Variants in TNS3 observed in about 807,000 individuals in gnomAD.
TNS3 encodes the protein tensin-3.
Under a neutral mutation model 140.9 loss-of-function variants are expected in TNS3, and 45 were observed. The ratio of observed to expected loss-of-function variants is 0.32; its 90% CI spans 0.25 to 0.41. TNS3 has a LOEUF of 0.41. Ranked by LOEUF, TNS3 falls within the 10% of genes least tolerant of loss-of-function variation. The pLI is 1.00. For missense variants in TNS3, 1,716 were observed against 1,906.7 expected, an observed-to-expected ratio of 0.90 and a Z score of 1.86; for synonymous variants, 815 against 788.4, an observed-to-expected ratio of 1.03 and a Z score of -0.56.
At chr7:47,374,901 C>T (rs1439748838) in intron 16 of TNS3, among the ~76,000 whole-genome samples, 2 of 152,116 alleles carry the variant, frequency 1.3e-5, no homozygotes, top group African/African-American at 4.8e-5. Context: ...GGAGCCCCCA[C>T]CAGATGAGGG....
At chr7:47,563,345 G>A (rs1475408323) in intron 1 of TNS3, among the ~76,000 whole-genome samples, 4 of 152,226 alleles carry the variant, frequency 2.6e-5, no homozygotes, top group African/African-American at 4.8e-5. Context: ...TTTCACGAAC[G>A]TCTCCTGGGT....
chr7:47,559,566 A>G (rs1187246744), intron 1 of TNS3, among the ~76,000 whole-genome samples: 1 of 152,076 alleles, frequency 6.6e-6, no homozygotes, highest in Non-Finnish European at 1.5e-5. Flanking sequence ...CAGAGAATGG[A>G]GAACAAGAGG....
rs557313172 is a variant in TNS3, at chr7:47,296,054, C to A, written c.3676+1028G>T. Among the ~76,000 whole-genome samples the A allele has an allele frequency of 3.9e-5, 6 of 152,258 alleles. No homozygotes were observed. In the South Asian group the frequency reaches 1.2e-3, roughly 32 times the overall value. ...CGACCTGCAATGTCCCCTCAGTCCA[C>A]AATTTCCATTTGGGGAGACAGACAG... is the stretch of plus-strand genomic sequence containing the variant. On this transcript the variant is annotated intron_variant, in intron 24 of 30. Coordinates refer to ENST00000311160, the MANE Select transcript of TNS3 (RefSeq NM_022748.12).
intron 8 of TNS3, among the ~76,000 whole-genome samples, 181 bp downstream of exon 8, chr7:47,435,101 G>A (rs1795112016): frequency 7.6e-6 from 1 of 132,440 alleles, no homozygotes; most frequent in Non-Finnish European, 1.7e-5. Flanking sequence ...CAAACTTGGG[G>A]AGGTGTGATA....
chr7:47,368,846 C>T lies in TNS3; in HGVS notation c.1800G>A (p.Gln600=). The T allele has an allele frequency of 6.2e-7, 1 of 1,613,552 alleles. No homozygotes were observed. Among genetic ancestry groups the T allele is most frequent in the Non-Finnish European group, 8.5e-7 (1 of 1,179,918 alleles). The change falls in exon 17 of 31, where the codon CAG becomes CAA. Residue 600 remains glutamine (Q), a synonymous_variant. Transcript: ENST00000311160. ...CCTCCCCATCTGGGGCGAAGCTATA[C>T]TGGTGAGCTACAACCATCTGCTGCT... ...VRQQQMVVAH[Q]YSFAPDGEAR... is the part of the protein sequence containing the mutation.
At chr7:47,300,220 T>C (rs1786311895) in intron 23 of TNS3, among the ~76,000 whole-genome samples, 1 of 152,218 alleles carries the variant, frequency 6.6e-6, no homozygotes, top group Non-Finnish European at 1.5e-5. Flanking sequence ...CTTCCGCTGT[T>C]TGGAGACTCT....
intron 16 of TNS3, among the ~76,000 whole-genome samples, chr7:47,374,888 T>C (rs1584510399): frequency 6.6e-6 from 1 of 151,964 alleles, no homozygotes; most frequent in African/African-American, 2.4e-5. Flanking sequence ...GCAGGCAGGG[T>C]GAGGAGCCCC....
chr7:47,380,445 A>G (rs1321981668), intron 16 of TNS3, among the ~76,000 whole-genome samples: 1 of 152,236 alleles, frequency 6.6e-6, no homozygotes, highest in Non-Finnish European at 1.5e-5. Flanking sequence ...ACAGCATGTC[A>G]GACCATCACT....
Position 47,369,630 on chromosome 7 carries a change from G to A in TNS3, c.1025-9C>T. 6.5e-7 allele frequency: 1 copy of A among 1,538,554 alleles called. No homozygotes were observed. Among genetic ancestry groups the A allele is most frequent in the Admixed American group, 2.0e-5 (1 of 49,610 alleles). ...GCCCTGCGTGTGTAGCACTGCGGGG[G>A]AGAAAACCGGAGAGAGGCTTTCAGT... On this transcript the variant is annotated splice_polypyrimidine_tract_variant and intron_variant, in intron 16 of 30. Transcript: ENST00000311160.
At chr7:47,354,929 T>A (rs1332127205) in intron 17 of TNS3, among the ~76,000 whole-genome samples, 1 of 152,194 alleles carries the variant, frequency 6.6e-6, no homozygotes, top group African/African-American at 2.4e-5. Context: ...GGCATTTAGC[T>A]GTCTTCGCCC....
At position 47,304,885 on chromosome 7, in the gene TNS3, A is replaced by C; in HGVS notation, c.2769T>G (p.Ala923=). 1 of 1,413,582 alleles carries C rather than the reference A, an allele frequency of 7.1e-7. No individual in the cohort carries two copies. The highest frequency in any genetic ancestry group is 9.3e-7 in the Non-Finnish European group (1 of 1,071,394). 87.6% of individuals were successfully genotyped at this position (1,413,582 alleles called of 1,614,324 possible). A position where few individuals can be genotyped will look rare whatever the true frequency, so the allele number is the denominator to read the frequency against. Residue 923 remains alanine, a synonymous_variant, in exon 21 of 31, where the codon GCT becomes GCG. Transcript: ENST00000311160. ...DASSTPSFQQ[A]FASSCTISSN... ...TGGAAATGGTGCAGGAAGAAGCAAA[A>C]GCCTGCTGAAAGGAGGGCGTCGAGG... is the stretch of plus-strand genomic sequence containing the variant.
chr7:47,341,603 T>A (rs1468753256), intron 20 of TNS3, among the ~76,000 whole-genome samples: 1 of 152,152 alleles, frequency 6.6e-6, no homozygotes, highest in Admixed American at 6.5e-5. Flanking sequence ...ACAATAGTAA[T>A]CTATGTCCTC....
chr7:47,361,973 T>C lies in TNS3; in HGVS notation c.2281+6392A>G, dbSNP rs572065356. Among the ~76,000 whole-genome samples the C allele has an allele frequency of 9.2e-5, 14 of 152,216 alleles. No homozygotes were observed. In the South Asian group the frequency reaches 1.9e-3, roughly 20 times the overall value. ...CCCACGGAATCATGAATTTCACAGGTTGAGTCATTTCTTTTGTTACTGGGA... is the reference window on the plus strand; with the variant it reads ...CCCACGGAATCATGAATTTCACAGGCTGAGTCATTTCTTTTGTTACTGGGA... On this transcript the variant is annotated intron_variant, in intron 17 of 30. Coordinates refer to ENST00000311160, the MANE Select transcript of TNS3 (RefSeq NM_022748.12).
intron 16 of TNS3, among the ~76,000 whole-genome samples, chr7:47,370,976 TCCTGGGGTGTGGTGCTGAAAACGCGC>T (rs1562651434): frequency 6.6e-6 from 1 of 152,126 alleles, no homozygotes; most frequent in African/African-American, 2.4e-5. Context: ...TCCCAAGGGG[TCCTGGGGTGTGGTGCTGAAAACGCGC>T]CCACGCCAGG....
At chr7:47,302,847 A>T in intron 22 of TNS3, 103 bp downstream of exon 22, 1 of 1,449,134 alleles carries the variant, frequency 6.9e-7, no homozygotes, top group Non-Finnish European at 9.2e-7. Context: ...CCAGGTGCCC[A>T]GCCCAGCACT....
chr7:47,546,268 T>C (rs1799918597), intron 1 of TNS3, among the ~76,000 whole-genome samples: 2 of 152,220 alleles, frequency 1.3e-5, no homozygotes, highest in Non-Finnish European at 2.9e-5. Flanking sequence ...CTTAACCATC[T>C]TACCTGAGCC....
intron 20 of TNS3, among the ~76,000 whole-genome samples, chr7:47,316,131 TCTCTCTCTCTCTCTCC>T (rs1324595760): frequency 1.4e-5 from 2 of 145,724 alleles, no homozygotes; most frequent in African/African-American, 5.2e-5. Context: ...TCTCTCTCTC[TCTCTCTCTCTCTCTCC>T]ATTCTTTCCT....
chr7:47,305,109 GCTTT>G (rs1338478781), intron 20 of TNS3, 106 bp from the exon 21 acceptor site: 2 of 945,702 alleles, frequency 2.1e-6, no homozygotes, highest in African/African-American at 3.4e-5. Context: ...TGACTTTGAG[GCTTT>G]CTGTCATCCA....
Position 47,297,140 on chromosome 7 carries a change from A to C in TNS3, c.3618T>G (p.Tyr1206Ter). 6.2e-7 allele frequency: 1 copy of C among 1,614,108 alleles called. No homozygotes were observed. Among genetic ancestry groups the C allele is most frequent in the South Asian group, 1.1e-5 (1 of 91,072 alleles). The change falls in exon 24 of 31, where the codon TAT becomes TAG. Residue 1206 changes from tyrosine (Y) to a stop codon, truncating the protein, a stop_gained. Transcript: ENST00000311160. LOFTEE classifies it high-confidence loss of function. The part of the protein sequence containing the change: ...VRDSHSFRGA[Y>*]GLAMKVATPP... ...GCGTGGCCACCTTCATGGCCAGGCC[A>C]TAGGCCCCTCGGAAGGAATGGCTGT...
Sources: gnomAD v4.1 joint callset for allele counts (sites outside exome capture counted in the v4.1 genomes callset) on GRCh38, gnomAD v4.1.1 for gene constraint, MANE v1.5 for transcripts, NCBI Gene and HGNC (gene_info 2026-07-23, HGNC 2026-07-21) for gene names.